The following FRMD4A variants were observed in gnomAD, a reference collection of about 807,000 sequenced individuals.
FRMD4A encodes the protein FERM domain-containing protein 4A.
In FRMD4A, 29 loss-of-function variants were observed where a neutral mutation model predicts 129.1. That is an observed-to-expected ratio of 0.22 (90% CI 0.17 to 0.31). The LOEUF is 0.31. Among genes scored for constraint, FRMD4A ranks in the 10% least tolerant of loss-of-function variants. The pLI is 1.00. For missense variants in FRMD4A, 1,272 were observed against 1,375.8 expected (o/e 0.92, Z 1.19); for synonymous variants, 634 against 571.6 (o/e 1.11, Z -1.56).
chr10:14,212,239 T>C lies in FRMD4A; in HGVS notation c.45+117819A>G, dbSNP rs538403980. 1.7e-4 allele frequency among the ~76,000 whole-genome samples: 26 copies of C among 152,196 alleles called. No individual in the cohort carries two copies. In the South Asian group the frequency reaches 4.6e-3, roughly 27 times the overall value. Reference sequence around the variant, plus strand: ...GGCACTGAGGACTGCAGGAGCAGCATGGGAGGAGATGCTTTGGGAGAATAT... The same window carrying C: ...GGCACTGAGGACTGCAGGAGCAGCACGGGAGGAGATGCTTTGGGAGAATAT... On this transcript the variant is annotated intron_variant, in intron 2 of 24. Transcript: ENST00000357447.
intron 2 of FRMD4A, among the ~76,000 whole-genome samples, chr10:13,952,284 G>C (rs1231300090): frequency 1.3e-5 from 2 of 151,924 alleles, no homozygotes; most frequent in African/African-American, 4.8e-5. Flanking sequence ...AACTGTTTGA[G>C]GCCAGGAGTT....
intron 2 of FRMD4A, among the ~76,000 whole-genome samples, chr10:14,005,946 C>A (rs1464211932): frequency 2.6e-5 from 4 of 152,168 alleles, no homozygotes; most frequent in Admixed American, 2.6e-4. Context: ...TGCTGTGAGA[C>A]AATGGAAACC....
At chr10:13,925,653 G>A (rs1348881699) in intron 2 of FRMD4A, among the ~76,000 whole-genome samples, 2 of 127,714 alleles carry the variant, frequency 1.6e-5, no homozygotes, top group South Asian at 2.6e-4. Flanking sequence ...GCGTGATCTC[G>A]GCTCACTGCA....
intron 6 of FRMD4A, among the ~76,000 whole-genome samples, chr10:13,777,791 A>ATT (rs34059772): frequency 0.077 from 6,583 of 85,922 alleles, 371 homozygotes; most frequent in Non-Finnish European, 0.083. Context: ...CTTTGGGTCA[A>ATT]TTTTTTTTTT....
chr10:13,667,325 G>A (rs752500463), intron 17 of FRMD4A: 1 of 152,376 alleles, frequency 6.6e-6, no homozygotes, highest in Non-Finnish European at 1.5e-5. Flanking sequence ...GTGGGTGGTG[G>A]TGGAGGCAGT....
intron 2 of FRMD4A, among the ~76,000 whole-genome samples, chr10:14,287,988 A>G (rs1184945306): frequency 2.0e-5 from 3 of 152,134 alleles, no homozygotes; most frequent in Non-Finnish European, 4.4e-5. Context: ...AAGAAACAAG[A>G]TGTTTATCCT....
Position 13,656,622 on chromosome 10 carries a change from C to T in FRMD4A, c.2953+14G>A. 2 of 1,391,014 alleles carry T rather than the reference C, an allele frequency of 1.4e-6. No individual in the cohort carries two copies. Among genetic ancestry groups the T allele is most frequent in the Non-Finnish European group, 1.9e-6 (2 of 1,064,694 alleles). 86.2% of individuals were successfully genotyped at this position (1,391,014 alleles called of 1,614,324 possible). ...CTCAGGTCTTCCCGCGTGCACCTGG[C>T]CGCCCCCTCTCACCTGACGTGGCCT... On this transcript the variant is annotated intron_variant, in intron 22 of 24. Coordinates refer to ENST00000357447, the MANE Select transcript of FRMD4A (RefSeq NM_018027.5).
At chr10:14,204,359 G>A (rs1171748559) in intron 2 of FRMD4A, among the ~76,000 whole-genome samples, 1 of 152,014 alleles carries the variant, frequency 6.6e-6, no homozygotes, top group Admixed American at 6.6e-5. Flanking sequence ...GCCCAGGGAG[G>A]TTGAGGCTGC....
chr10:13,741,552 G>A (rs1331494690), intron 9 of FRMD4A, among the ~76,000 whole-genome samples: 1 of 152,316 alleles, frequency 6.6e-6, no homozygotes. Flanking sequence ...AGACAGCAGA[G>A]ATGACGCATG....
At chr10:13,737,713 G>A in intron 12 of FRMD4A, 131 bp downstream of exon 12, 1 of 620,882 alleles carries the variant, frequency 1.6e-6, no homozygotes, top group Non-Finnish European at 2.9e-6. Context: ...GGAGTAATTT[G>A]TATACACTAA....
intron 3 of FRMD4A, among the ~76,000 whole-genome samples, chr10:13,849,592 T>C (rs2094112885): frequency 1.3e-5 from 2 of 151,600 alleles, no homozygotes; most frequent in Non-Finnish European, 2.9e-5. Flanking sequence ...GGGATTCTCC[T>C]GCCTCAGCCT....
intron 2 of FRMD4A, among the ~76,000 whole-genome samples, chr10:14,208,774 T>C (rs1466236715): frequency 6.6e-6 from 1 of 152,160 alleles, no homozygotes; most frequent in Non-Finnish European, 1.5e-5. Context: ...TCTGGCCTCT[T>C]CTCATGCACC....
chr10:13,933,843 G>C (rs1159052344), intron 2 of FRMD4A, among the ~76,000 whole-genome samples: 2 of 152,200 alleles, frequency 1.3e-5, no homozygotes, highest in African/African-American at 4.8e-5. Flanking sequence ...GGCTAGGGGA[G>C]CAGGGGGCAG....
intron 2 of FRMD4A, among the ~76,000 whole-genome samples, chr10:14,036,782 C>T (rs981827963): frequency 2.0e-5 from 3 of 151,978 alleles, no homozygotes; most frequent in African/African-American, 4.8e-5. Context: ...GATGGGGTTT[C>T]GCCAGGTTGG....
intron 2 of FRMD4A, among the ~76,000 whole-genome samples, chr10:13,956,460 GTTCT>G: frequency 2.0e-5 from 3 of 152,300 alleles, no homozygotes; most frequent in Admixed American, 2.0e-4. Flanking sequence ...CCTTATGTAG[GTTCT>G]TTATCTCTAG....
At position 13,656,908 on chromosome 10, in the gene FRMD4A, C is replaced by T; in HGVS notation, c.2681G>A (p.Gly894Asp). ...RGGGGDEGDT[G>D]RLTPSRSQIL... Reference sequence around the variant, plus strand: ...CTGCGATCGCGACGGCGTCAGGCGGCCCGTGTCGCCCTCGTCGCCGCCGCC... The same window carrying T: ...CTGCGATCGCGACGGCGTCAGGCGGTCCGTGTCGCCCTCGTCGCCGCCGCC... Residue 894 changes from glycine to aspartate, a missense_variant, in exon 22 of 25, where the codon GGC (glycine) becomes GAC (aspartate). By Grantham distance (94) the Gly-to-Asp change is moderately conservative. Coordinates refer to ENST00000357447, the MANE Select transcript of FRMD4A (RefSeq NM_018027.5). 6.7e-7 allele frequency: 1 copy of T among 1,485,492 alleles called. No individual in the cohort carries two copies. 92.0% of individuals were successfully genotyped at this position (1,485,492 alleles called of 1,614,324 possible). A position where few individuals can be genotyped will look rare whatever the true frequency, so the allele number is the denominator to read the frequency against.
intron 5 of FRMD4A, among the ~76,000 whole-genome samples, 175 bp downstream of exon 5, chr10:13,796,321 G>A (rs900427259): frequency 6.6e-6 from 1 of 152,092 alleles, no homozygotes; most frequent in Admixed American, 6.5e-5. Flanking sequence ...GGCACACCCT[G>A]CACCCTCGCA....
At chr10:14,088,785 CAAAAA>C (rs58056105) in intron 2 of FRMD4A, among the ~76,000 whole-genome samples, 3 of 73,844 alleles carry the variant, frequency 4.1e-5, no homozygotes, top group African/African-American at 5.7e-5. Context: ...GACTCTGTCT[CAAAAA>C]AAAAAAAAAA....
chr10:14,167,988 C>G (rs1841280840), intron 2 of FRMD4A, among the ~76,000 whole-genome samples: 1 of 152,164 alleles, frequency 6.6e-6, no homozygotes, highest in Admixed American at 6.5e-5. Context: ...ATGCATGGTT[C>G]TTGGATTCAG....
Sources: gnomAD v4.1 joint callset for allele counts (sites outside exome capture counted in the v4.1 genomes callset) on GRCh38, gnomAD v4.1.1 for gene constraint, MANE v1.5 for transcripts, NCBI Gene and HGNC (gene_info 2026-07-23, HGNC 2026-07-21) for gene names.